HOMER2: variants seen among roughly 807,000 people sequenced by gnomAD.
HOMER2 encodes the protein homer protein homolog 2.
In HOMER2, 27 loss-of-function variants were observed where a neutral mutation model predicts 47.0. The observed-to-expected ratio is 0.57, with a 90% confidence interval of 0.42 to 0.79. The LOEUF (loss-of-function observed/expected upper bound fraction) is 0.79. Among genes scored for constraint, HOMER2 ranks in the 30% least tolerant of loss-of-function variants. The pLI is 0.00. For synonymous variants in HOMER2, 161 were observed against 163.8 expected, an observed-to-expected ratio of 0.98 and a Z score of 0.13; for missense variants, 443 against 435.0, an observed-to-expected ratio of 1.02 and a Z score of -0.16.
chr15:82,942,785 CG>C (rs1232958379), intron 1 of HOMER2, among the ~76,000 whole-genome samples: 3 of 152,084 alleles, frequency 2.0e-5, no homozygotes, highest in African/African-American at 7.3e-5. Flanking sequence ...CTCATTCTCC[CG>C]GCCTTCCCGA....
intron 1 of HOMER2, among the ~76,000 whole-genome samples, chr15:82,903,668 C>A (rs550633296): frequency 6.1e-4 from 93 of 152,086 alleles, no homozygotes; most frequent in Middle Eastern, 3.4e-3. Context: ...TAAACACACA[C>A]ACACACACAC....
chr15:82,920,470 G>C (rs568993765), intron 1 of HOMER2, among the ~76,000 whole-genome samples: 1 of 152,316 alleles, frequency 6.6e-6, no homozygotes, highest in Non-Finnish European at 1.5e-5. Context: ...TGCCTCCAGA[G>C]GCTCTAGGGT....
At chr15:82,960,162 T>G (rs1217590927) in intron 1 of HOMER2, among the ~76,000 whole-genome samples, 1 of 152,062 alleles carries the variant, frequency 6.6e-6, no homozygotes, top group African/African-American at 2.4e-5. Flanking sequence ...TAGCTGAGGC[T>G]TCCAACCGGA....
intron 1 of HOMER2, among the ~76,000 whole-genome samples, chr15:82,893,173 G>A (rs2052774862): frequency 6.6e-6 from 1 of 151,998 alleles, no homozygotes; most frequent in Non-Finnish European, 1.5e-5. Flanking sequence ...GTCATTTTTA[G>A]GATTTTGGAA....
chr15:82,877,270 A>G (rs966533026), intron 2 of HOMER2, among the ~76,000 whole-genome samples: 2 of 152,122 alleles, frequency 1.3e-5, no homozygotes, highest in African/African-American at 4.8e-5. Context: ...CCTAGGTTCA[A>G]GCGATTCTCC....
intron 1 of HOMER2, among the ~76,000 whole-genome samples, chr15:82,984,140 C>G (rs924047027): frequency 5.0e-4 from 75 of 151,084 alleles, no homozygotes; most frequent in African/African-American, 1.8e-3. Context: ...TCACGCCATT[C>G]TCCTGCCTCA....
At chr15:82,869,450 CTTTTTTTTTTT>C (rs71822678) in intron 3 of HOMER2, among the ~76,000 whole-genome samples, 4 of 70,258 alleles carry the variant, frequency 5.7e-5, no homozygotes, top group African/African-American at 2.4e-4. Flanking sequence ...TACTAAACAT[CTTTTTTTTTTT>C]TTTTTTTTTT....
chr15:82,894,939 AT>A (rs2052858231), intron 1 of HOMER2, among the ~76,000 whole-genome samples: 1 of 152,204 alleles, frequency 6.6e-6, no homozygotes, highest in Admixed American at 6.5e-5. Context: ...CATTATTAAA[AT>A]TTTAAGAATG....
chr15:82,900,113 A>G (rs1204010829), intron 1 of HOMER2, among the ~76,000 whole-genome samples: 1 of 152,078 alleles, frequency 6.6e-6, no homozygotes, highest in Non-Finnish European at 1.5e-5. Flanking sequence ...TCTATTTAGG[A>G]AGCATGCAAG....
intron 1 of HOMER2, among the ~76,000 whole-genome samples, chr15:82,970,966 A>G (rs1211855274): frequency 1.3e-5 from 2 of 152,244 alleles, no homozygotes; most frequent in African/African-American, 4.8e-5. Flanking sequence ...TGCTGAGGAC[A>G]CAGAGGTGAA....
intron 1 of HOMER2, among the ~76,000 whole-genome samples, chr15:82,940,382 A>G (rs988859976): frequency 1.3e-5 from 2 of 152,122 alleles, no homozygotes; most frequent in African/African-American, 4.8e-5. Context: ...AGGCGGGAGG[A>G]TTGCTCAGGA....
At chr15:82,921,570 A>G (rs1013536279) in intron 1 of HOMER2, among the ~76,000 whole-genome samples, 2 of 152,086 alleles carry the variant, frequency 1.3e-5, no homozygotes, top group Admixed American at 6.6e-5. Context: ...AGTGGAGTCC[A>G]CTCGTCCCCC....
At chr15:82,982,224 A>G (rs1308753019) in intron 1 of HOMER2, among the ~76,000 whole-genome samples, 1 of 152,230 alleles carries the variant, frequency 6.6e-6, no homozygotes, top group African/African-American at 2.4e-5. Flanking sequence ...TATTCTGGTT[A>G]TACCAGATAG....
chr15:82,844,505 A>G (rs2051212730), downstream of HOMER2: 1 of 152,218 alleles, frequency 6.6e-6, no homozygotes, highest in African/African-American at 2.4e-5. Context: ...AGTATGTATA[A>G]TATGATTATA....
intron 1 of HOMER2, among the ~76,000 whole-genome samples, chr15:82,944,741 T>G (rs1392107659): frequency 1.4e-5 from 2 of 146,020 alleles, no homozygotes; most frequent in Non-Finnish European, 3.0e-5. Flanking sequence ...TTGCCCACGG[T>G]TTTTTTTTTT....
intron 1 of HOMER2, among the ~76,000 whole-genome samples, chr15:82,912,265 G>C (rs1469390720): frequency 6.6e-6 from 1 of 151,992 alleles, no homozygotes; most frequent in Non-Finnish European, 1.5e-5. Flanking sequence ...CCAGCCCCTA[G>C]CAACCACTAA....
At chr15:82,928,886 G>GGA (rs1225444549) in intron 1 of HOMER2, among the ~76,000 whole-genome samples, 1 of 116,218 alleles carries the variant, frequency 8.6e-6, no homozygotes, top group East Asian at 2.5e-4. Context: ...ATTACAGCCA[G>GGA]GAGAGCCCCA....
chr15:82,891,736 C>T (rs1267030619), intron 2 of HOMER2, among the ~76,000 whole-genome samples: 6 of 152,110 alleles, frequency 3.9e-5, no homozygotes, highest in South Asian at 2.1e-4. Flanking sequence ...TGTGATAGGA[C>T]AAGAGTTATG....
At chr15:82,906,762 A>C (rs1162687911) in intron 1 of HOMER2, among the ~76,000 whole-genome samples, 1 of 152,122 alleles carries the variant, frequency 6.6e-6, no homozygotes, top group African/African-American at 2.4e-5. Flanking sequence ...ATATACAGAC[A>C]CATATAGATT....
Sources: allele counts gnomAD v4.1 joint callset (sites outside exome capture counted in the v4.1 genomes callset), GRCh38; gene constraint gnomAD v4.1.1; transcripts MANE v1.5; gene names NCBI Gene and HGNC (gene_info 2026-07-23, HGNC 2026-07-21).